The following CDH18 variants were observed in gnomAD, a reference collection of about 807,000 sequenced individuals.
The protein encoded by CDH18 is cadherin 18.
Under a neutral mutation model 67.9 loss-of-function variants are expected in CDH18, and 31 were observed. That is an observed-to-expected ratio of 0.46 (90% confidence interval 0.34 to 0.62). The LOEUF (loss-of-function observed/expected upper bound fraction) is 0.62. Among genes scored for constraint, CDH18 ranks in the 20% least tolerant of loss-of-function variants. The pLI, the probability that CDH18 is intolerant of heterozygous loss-of-function variation, is 0.01. For missense variants in CDH18, 890 were observed against 975.5 expected (o/e 0.91, Z 1.17); for synonymous variants, 362 against 347.2 (o/e 1.04, Z -0.48).
chr5:19,574,481 C>T (rs1443275847), intron 7 of CDH18, among the ~76,000 whole-genome samples: 2 of 152,046 alleles, frequency 1.3e-5, no homozygotes, highest in East Asian at 3.9e-4. Flanking sequence ...TGAAGAAAAG[C>T]TGGTGAGGCT....
intron 1 of CDH18, among the ~76,000 whole-genome samples, chr5:20,317,433 T>G (rs1312631882): frequency 1.3e-5 from 2 of 152,162 alleles, no homozygotes; most frequent in Non-Finnish European, 2.9e-5. Flanking sequence ...ATTATTTCTT[T>G]GCTCTGGCTT....
At chr5:19,494,402 C>T (rs1022226626) in intron 11 of CDH18, among the ~76,000 whole-genome samples, 2 of 152,126 alleles carry the variant, frequency 1.3e-5, no homozygotes, top group Admixed American at 1.3e-4. Flanking sequence ...AGGAAGTGGC[C>T]ATAGTTTCAC....
intron 2 of CDH18, among the ~76,000 whole-genome samples, chr5:20,012,759 T>C (rs1444885998): frequency 1.3e-5 from 2 of 152,038 alleles, no homozygotes; most frequent in South Asian, 2.1e-4. Context: ...TGTAGGGACA[T>C]GCATGGAGCT....
At chr5:19,595,336 T>C (rs1745999741) in intron 6 of CDH18, among the ~76,000 whole-genome samples, 1 of 152,150 alleles carries the variant, frequency 6.6e-6, no homozygotes, top group Middle Eastern at 3.4e-3. Flanking sequence ...ATGAAAAATG[T>C]AAAAAGACAA....
chr5:20,334,623 G>C (rs961688319), intron 1 of CDH18, among the ~76,000 whole-genome samples: 1 of 151,852 alleles, frequency 6.6e-6, no homozygotes, highest in Non-Finnish European at 1.5e-5. Context: ...ACTGTTTATG[G>C]GGTGAAAGAA....
At chr5:19,690,848 T>G (rs1761767366) in intron 5 of CDH18, among the ~76,000 whole-genome samples, 1 of 151,748 alleles carries the variant, frequency 6.6e-6, no homozygotes, top group African/African-American at 2.4e-5. Flanking sequence ...TTCTACCACA[T>G]GTATAAAACA....
intron 1 of CDH18, among the ~76,000 whole-genome samples, chr5:20,260,152 C>T (rs1379762989): frequency 2.0e-5 from 3 of 151,354 alleles, no homozygotes; most frequent in African/African-American, 7.3e-5. Flanking sequence ...CAAGAAAATC[C>T]AACATTTCAG....
intron 6 of CDH18, among the ~76,000 whole-genome samples, chr5:19,594,828 A>G (rs186303071): frequency 3.8e-4 from 58 of 152,306 alleles, no homozygotes; most frequent in African/African-American, 1.1e-3. Flanking sequence ...AGTGCAACTG[A>G]TAACATTATA....
At chr5:19,940,937 G>A (rs1380771177) in intron 2 of CDH18, among the ~76,000 whole-genome samples, 2 of 152,100 alleles carry the variant, frequency 1.3e-5, no homozygotes, top group African/African-American at 4.8e-5. Context: ...CCTAATAAAA[G>A]TTCCAGTCTA....
intron 1 of CDH18, among the ~76,000 whole-genome samples, chr5:20,366,610 C>CAATCA (rs1742539428): frequency 6.6e-6 from 1 of 152,192 alleles, no homozygotes; most frequent in African/African-American, 2.4e-5. Context: ...TGGCAAGCGG[C>CAATCA]TTTACCTCTT....
At chr5:19,830,558 GA>G (rs755305205) in intron 3 of CDH18, among the ~76,000 whole-genome samples, 1 of 152,068 alleles carries the variant, frequency 6.6e-6, no homozygotes, top group Non-Finnish European at 1.5e-5. Context: ...AGGTCATGAA[GA>G]AAAGGGAGAA....
At chr5:19,719,066 T>C (rs997640261) in intron 5 of CDH18, among the ~76,000 whole-genome samples, 1 of 152,036 alleles carries the variant, frequency 6.6e-6, no homozygotes, top group African/African-American at 2.4e-5. Flanking sequence ...TACACATACA[T>C]GTATTTACTC....
chr5:20,355,628 A>G (rs950051909), intron 1 of CDH18, among the ~76,000 whole-genome samples: 1 of 152,208 alleles, frequency 6.6e-6, no homozygotes, highest in Non-Finnish European at 1.5e-5. Flanking sequence ...TTATGATACA[A>G]AGATTACTGT....
chr5:19,509,607 C>T (rs979152814), intron 10 of CDH18, among the ~76,000 whole-genome samples: 1 of 152,056 alleles, frequency 6.6e-6, no homozygotes, highest in African/African-American at 2.4e-5. Flanking sequence ...TTAATTTTTT[C>T]ATGCAAAGCT....
intron 9 of CDH18, among the ~76,000 whole-genome samples, chr5:19,533,229 C>T (rs960116921): frequency 6.6e-6 from 1 of 152,122 alleles, no homozygotes; most frequent in Non-Finnish European, 1.5e-5. Flanking sequence ...ATATTATGTC[C>T]GTAAGCCAAA....
At chr5:20,445,371 G>A (rs146173655) in intron 1 of CDH18, among the ~76,000 whole-genome samples, 21 of 152,304 alleles carry the variant, frequency 1.4e-4, no homozygotes, top group Admixed American at 1.3e-4. Flanking sequence ...GATACAAACA[G>A]ACATCAGAAT....
intron 1 of CDH18, among the ~76,000 whole-genome samples, chr5:20,540,210 A>G (rs1461047026): frequency 1.3e-5 from 2 of 152,176 alleles, no homozygotes; most frequent in Non-Finnish European, 2.9e-5. Context: ...CAGACATTTA[A>G]GCCTCATTGT....
chr5:19,695,978 A>G (rs1398253670), intron 5 of CDH18, among the ~76,000 whole-genome samples: 1 of 152,186 alleles, frequency 6.6e-6, no homozygotes, highest in African/African-American at 2.4e-5. Flanking sequence ...TATCAGCGTA[A>G]GCATAGGGTT....
chr5:19,633,609 C>T (rs1034940642), intron 5 of CDH18, among the ~76,000 whole-genome samples: 15 of 151,716 alleles, frequency 9.9e-5, no homozygotes, highest in African/African-American at 2.2e-4. Context: ...TTCTGGCTAC[C>T]GAAACTTGTT....
Sources: gnomAD v4.1 joint callset for allele counts (sites outside exome capture counted in the v4.1 genomes callset) on GRCh38, gnomAD v4.1.1 for gene constraint, MANE v1.5 for transcripts, NCBI Gene and HGNC (gene_info 2026-07-23, HGNC 2026-07-21) for gene names.